ZBTB44: variants seen among roughly 807,000 people sequenced by gnomAD.
The protein encoded by ZBTB44 is zinc finger and BTB domain-containing protein 44.
ZBTB44 carries 15 observed loss-of-function variants against 54.0 expected under a neutral mutation model. The observed-to-expected ratio is 0.28, with a 90% CI of 0.19 to 0.43. The LOEUF is 0.43. Among genes scored for constraint, ZBTB44 ranks in the 20% least tolerant of loss-of-function variants. ZBTB44 has a pLI of 1.00. For synonymous variants in ZBTB44, 230 were observed against 250.1 expected (o/e 0.92, Z 0.76); for missense variants, 487 against 707.1 (o/e 0.69, Z 3.53).
At chr11:130,297,190 G>C (rs1460571179) in intron 1 of ZBTB44, among the ~76,000 whole-genome samples, 1 of 152,138 alleles carries the variant, frequency 6.6e-6, no homozygotes, top group Non-Finnish European at 1.5e-5. Context: ...TGCAAGCACT[G>C]AGCACTGTAA....
chr11:130,314,034 A>T (rs1942790038), intron 1 of ZBTB44, among the ~76,000 whole-genome samples: 1 of 151,782 alleles, frequency 6.6e-6, no homozygotes, highest in East Asian at 1.9e-4. Context: ...AAGGAGGAAA[A>T]AAAACAGGTC....
At chr11:130,239,658 C>T in intron 3 of ZBTB44, 154 bp downstream of exon 3, 1 of 570,230 alleles carries the variant, frequency 1.8e-6, no homozygotes, top group East Asian at 3.4e-5. Flanking sequence ...TATAGGTACT[C>T]TAATTTATAA....
At position 130,288,695 on chromosome 11, in the gene ZBTB44, C is replaced by T. The variant is rs1045576309; in HGVS notation, c.-57+25680G>A. 1.7e-4 allele frequency among the ~76,000 whole-genome samples: 26 copies of T among 151,892 alleles called. No individual in the cohort carries two copies. In the East Asian group the frequency reaches 2.9e-3, roughly 17 times the overall value. On this transcript the variant is annotated intron_variant, in intron 1 of 7. Transcript: ENST00000357899. Reference sequence around the variant, plus strand: ...GGCAGATCACCTGAGGTCAGGTGTTCGAGATCAGCCTGCTCAACATGGTGA... The same window carrying T: ...GGCAGATCACCTGAGGTCAGGTGTTTGAGATCAGCCTGCTCAACATGGTGA...
Position 130,261,088 on chromosome 11 carries a change from G to A in ZBTB44, c.786C>T (p.Thr262=), listed in dbSNP as rs768238402. 2.4e-5 allele frequency: 39 copies of A among 1,613,842 alleles called. No individual in the cohort carries two copies. Among genetic ancestry groups the A allele is most frequent in the South Asian group, 2.2e-5 (2 of 91,082 alleles). Residue 262 remains threonine, a synonymous_variant, in exon 2 of 8, where the codon ACC becomes ACT. Transcript: ENST00000357899. This position sits in a 1 kb window ranked among gnomAD's most constrained non-coding sequence, Gnocchi z 4.8. ...RTLELPGPSE[T]GRRMADYVTC... is the part of the protein sequence containing the mutation. ...TCACATAATCAGCCATTCTTCTACC[G>A]GTCTCAGATGGGCCAGGTAATTCTA...
rs1305976186 is a variant in ZBTB44 at position 130,236,944 on chromosome 11, G to T, written c.1417C>A (p.His473Asn). ...ATAATGTGCCGGGAAACCCTCATGT[G>T]GTGTTTATATTCCCCGAAGGAAGTG... ...TFTSFGEYKH[H>N]MRVSRHIIRK... Residue 473 changes from histidine to asparagine, a missense_variant, in exon 5 of 8, where the codon CAC becomes AAC. His to Asn is a moderately conservative substitution (Grantham distance 68). Around this residue, in one of 3 missense-constraint regions of ZBTB44, gnomAD observed 120 missense variants for 240.3 expected, o/e 0.50. Transcript: ENST00000357899. 6.2e-7 allele frequency: 1 copy of T among 1,612,266 alleles called. No individual in the cohort carries two copies.
intron 1 of ZBTB44, among the ~76,000 whole-genome samples, chr11:130,305,412 T>C (rs935563400): frequency 3.7e-4 from 57 of 152,286 alleles, no homozygotes; most frequent in Middle Eastern, 3.4e-3. Flanking sequence ...AACAGGCATG[T>C]AGACCGATGG....
At position 130,314,885 on chromosome 11, in the gene ZBTB44, C is replaced by T. The variant is rs1310840890; in HGVS notation, c.-567G>A. 3 of 149,436 alleles carry T rather than the reference C, an allele frequency of 2.0e-5. No individual in the cohort carries two copies. The highest frequency in any genetic ancestry group is 7.4e-5 in the African/African-American group (3 of 40,642). 9.3% of individuals were successfully genotyped at this position (149,436 alleles called of 1,614,324 possible). On this transcript the variant is annotated 5_prime_UTR_variant, in exon 1 of 8. Coordinates refer to ENST00000357899, the MANE Select transcript of ZBTB44 (RefSeq NM_001301098.2). ...CCGTTGCCGCTCCGCTCACTCCAGC[C>T]TGTTTGGGGGCACTTTGTTTGTGTC...
chr11:130,312,390 T>G (rs1592093240), intron 1 of ZBTB44, among the ~76,000 whole-genome samples: 1 of 152,244 alleles, frequency 6.6e-6, no homozygotes, highest in Non-Finnish European at 1.5e-5. Flanking sequence ...TCTGACATTG[T>G]GTGCCTCCTA....
chr11:130,307,912 G>T (rs1186173707), intron 1 of ZBTB44, among the ~76,000 whole-genome samples: 1 of 152,156 alleles, frequency 6.6e-6, no homozygotes, highest in Non-Finnish European at 1.5e-5. Flanking sequence ...TTTTAGTAGA[G>T]ACAGGGTTTC....
chr11:130,268,294 A>G (rs7127290), intron 1 of ZBTB44, among the ~76,000 whole-genome samples: 1 of 151,822 alleles, frequency 6.6e-6, no homozygotes, highest in South Asian at 2.1e-4. Flanking sequence ...AAACTTCATC[A>G]CTGTCTCATT....
intron 1 of ZBTB44, among the ~76,000 whole-genome samples, chr11:130,273,024 A>G (rs964487491): frequency 1.3e-5 from 2 of 152,124 alleles, no homozygotes; most frequent in Non-Finnish European, 2.9e-5. Context: ...TATTTTGGCT[A>G]TTCTGGGTCC....
chr11:130,257,855 GGTTTTGGCTCTTCT>G (rs1157681960), intron 2 of ZBTB44, among the ~76,000 whole-genome samples: 2 of 152,042 alleles, frequency 1.3e-5, no homozygotes, highest in African/African-American at 2.4e-5. Flanking sequence ...GTATCCCCTT[GGTTTTGGCTCTTCT>G]GTTTTTCCTA....
At chr11:130,311,663 C>A (rs1942614249) in intron 1 of ZBTB44, among the ~76,000 whole-genome samples, 2 of 152,304 alleles carry the variant, frequency 1.3e-5, no homozygotes, top group South Asian at 4.1e-4. Flanking sequence ...GTTCTCTCCT[C>A]TCAAAGCACC....
chr11:130,236,694 C>G, intron 5 of ZBTB44, 99 bp downstream of exon 5: 1 of 1,218,754 alleles, frequency 8.2e-7, no homozygotes, highest in Non-Finnish European at 1.0e-6. Flanking sequence ...GACTGACTAG[C>G]TGGCAACCTG....
At chr11:130,238,262 C>T (rs926014796) in intron 4 of ZBTB44, among the ~76,000 whole-genome samples, 182 bp downstream of exon 4, 2 of 152,168 alleles carry the variant, frequency 1.3e-5, no homozygotes, top group African/African-American at 4.8e-5. Context: ...ACTCAACACC[C>T]GTGGCAAGCA....
intron 1 of ZBTB44, among the ~76,000 whole-genome samples, chr11:130,268,395 A>G (rs1289442456): frequency 6.6e-6 from 1 of 152,134 alleles, no homozygotes; most frequent in Non-Finnish European, 1.5e-5. Flanking sequence ...ACCAACAAAA[A>G]GATTATGACT....
At chr11:130,295,976 GC>G in intron 1 of ZBTB44, 1 of 1,542,742 alleles carries the variant, frequency 6.5e-7, no homozygotes, top group South Asian at 1.1e-5. Flanking sequence ...GCCACACCAG[GC>G]CGTCTGCTGT....
At position 130,296,550 on chromosome 11, in the gene ZBTB44, A is replaced by T; in HGVS notation, c.-57+17825T>A. The T allele has an allele frequency of 4.4e-6, 4 of 902,410 alleles. No individual in the cohort carries two copies. In the East Asian group the frequency reaches 9.6e-5, roughly 22 times the overall value. The allele number at this position is 902,410 out of a possible 1,614,324, so 55.9% of individuals were successfully genotyped here. ...GTCAACTGGATTGTTCACTATGACC[A>T]TCCGGATGACCCTAAGGAATATATT... On this transcript the variant is annotated intron_variant, in intron 1 of 7. Transcript: ENST00000357899.
chr11:130,294,702 A>C lies in ZBTB44; in HGVS notation c.-57+19673T>G, dbSNP rs375863719. ...TAGCGATGACCTTGAGCAGGACAGAAATAACTCCCACATGCTTAGTGTTCC... is the reference window on the plus strand; with the variant it reads ...TAGCGATGACCTTGAGCAGGACAGACATAACTCCCACATGCTTAGTGTTCC... On this transcript the variant is annotated intron_variant, in intron 1 of 7. Coordinates refer to ENST00000357899, the MANE Select transcript of ZBTB44 (RefSeq NM_001301098.2). Among the ~76,000 whole-genome samples the C allele has an allele frequency of 7.9e-5, 12 of 152,340 alleles. No homozygotes were observed. The East Asian group carries it at 1.2e-3, about 15-fold the overall frequency.
Sources: gnomAD v4.1 joint callset for allele counts (sites outside exome capture counted in the v4.1 genomes callset) on GRCh38, gnomAD v4.1.1 for gene constraint, gnomAD v4.1.1 regional missense constraint, Gnocchi (gnomAD v3.1) non-coding constraint, MANE v1.5 for transcripts, NCBI Gene and HGNC (gene_info 2026-07-23, HGNC 2026-07-21) for gene names.